UXS1: variants seen among roughly 807,000 people sequenced by gnomAD.
The protein encoded by UXS1 is UDP-glucuronic acid decarboxylase 1.
In UXS1, 33 loss-of-function variants were observed where a neutral mutation model predicts 62.6. The ratio of observed to expected loss-of-function variants is 0.53; its 90% CI spans 0.40 to 0.70. UXS1 has a LOEUF of 0.70. UXS1 is among the 30% of genes least tolerant of loss of function. The pLI is 0.00. For missense variants in UXS1, 434 were observed against 556.3 expected (o/e 0.78, Z 2.21); for synonymous variants, 213 against 206.8 (o/e 1.03, Z -0.26).
In UXS1 at chr2:106,163,682, C is replaced by A; in HGVS notation, c.215G>T (p.Arg72Ile). Reference protein sequence around the residue: ...EMVEPLREKIRDLEKSFTQKY... With the variant: ...EMVEPLREKIIDLEKSFTQKY... ...GTACACATACCTTTTTTCTAAATCT[C>A]TGATTTTCTCTCTTAGTGGTTCAAC... The change falls in exon 4 of 15, where the codon AGA becomes ATA. Residue 72 changes from arginine to isoleucine, a missense_variant. Arg to Ile is a moderately conservative substitution (Grantham distance 97). Around this residue, in one of 3 missense-constraint regions of UXS1, gnomAD observed 134 missense variants for 251.9 expected, o/e 0.53. Transcript: ENST00000283148. 6.8e-7 allele frequency: 1 copy of A among 1,469,992 alleles called. No individual in the cohort carries two copies. The highest frequency in any genetic ancestry group is 9.0e-7 in the Non-Finnish European group (1 of 1,108,680). The allele number at this position is 1,469,992 out of a possible 1,614,324, so 91.1% of individuals were successfully genotyped here.
intron 6 of UXS1, among the ~76,000 whole-genome samples, chr2:106,139,108 C>G (rs11687791): frequency 0.052 from 7,893 of 152,154 alleles, 283 homozygotes; most frequent in South Asian, 0.082. Flanking sequence ...CTGCACAGTT[C>G]AGAGTACACC....
chr2:106,112,864 G>A lies in UXS1; in HGVS notation c.760-99C>T, dbSNP rs140057490. On this transcript the variant is annotated intron_variant, in intron 9 of 14. Transcript: ENST00000283148. ...CCTGCATGCAATGCAGAATGGAAAC[G>A]TTCTGCTTTCCATTCCAAAATGGAA... 7.0e-5 allele frequency: 103 copies of A among 1,467,596 alleles called. 1 individual carries two copies. In the East Asian group the frequency reaches 2.1e-3, roughly 30 times the overall value. 90.9% of individuals were successfully genotyped at this position (1,467,596 alleles called of 1,614,324 possible).
chr2:106,100,392 C>T (rs552229422), intron 12 of UXS1, among the ~76,000 whole-genome samples: 16 of 152,324 alleles, frequency 1.1e-4, no homozygotes, highest in Non-Finnish European at 1.9e-4. Flanking sequence ...GTAGAGGCAT[C>T]ACACTAGCCA....
intron 4 of UXS1, among the ~76,000 whole-genome samples, chr2:106,161,133 TG>T (rs11331257): frequency 0.58 from 88,650 of 151,706 alleles, 26,100 homozygotes; most frequent in Admixed American, 0.63. Context: ...GCCAGCTGCC[TG>T]GGTGCTCCCA....
chr2:106,128,215 C>G (rs754073402), intron 7 of UXS1, among the ~76,000 whole-genome samples: 1 of 152,124 alleles, frequency 6.6e-6, no homozygotes, highest in Non-Finnish European at 1.5e-5. Context: ...AAGAGGGCAT[C>G]ACGCACACCT....
chr2:106,099,634 A>C (rs1470508441), intron 12 of UXS1, among the ~76,000 whole-genome samples: 1 of 152,164 alleles, frequency 6.6e-6, no homozygotes, highest in African/African-American at 2.4e-5. Flanking sequence ...GGCCCTCCCC[A>C]AAGAGGGAAG....
chr2:106,128,277 G>A (rs149703712), intron 7 of UXS1, among the ~76,000 whole-genome samples: 1,953 of 152,154 alleles, frequency 0.013, 27 homozygotes, highest in Non-Finnish European at 0.018. Context: ...AGCAGGAGAC[G>A]GTAACAAAGA....
At chr2:106,124,243 T>C (rs758039159) in intron 8 of UXS1, among the ~76,000 whole-genome samples, 10 of 152,176 alleles carry the variant, frequency 6.6e-5, no homozygotes, top group African/African-American at 9.7e-5. Flanking sequence ...CTGGGCAAGC[T>C]ACCCTCCAAA....
intron 9 of UXS1, among the ~76,000 whole-genome samples, chr2:106,113,525 G>A (rs1678799676): frequency 6.6e-6 from 1 of 152,144 alleles, no homozygotes; most frequent in East Asian, 1.9e-4. Context: ...TTTCAAATAT[G>A]CAATCATGGA....
Position 106,145,252 on chromosome 2 carries a change from C to T in UXS1, c.410G>A (p.Trp137Ter). Reference sequence around the variant, plus strand: ...CAACTCGAAGTTCTCATGTCCGATCCAGTGCTCCACGTTTCTCTTCCTGCC... The same window carrying T: ...CAACTCGAAGTTCTCATGTCCGATCTAGTGCTCCACGTTTCTCTTCCTGCC... ...FTGRKRNVEH[W>*]IGHENFELIN... The change falls in exon 6 of 15, where the codon TGG (tryptophan) becomes TAG (stop). Residue 137 changes from tryptophan (W) to a stop codon, truncating the protein, a stop_gained. Coordinates refer to ENST00000283148, the MANE Select transcript of UXS1 (RefSeq NM_001253875.2). LOFTEE classifies it high-confidence loss of function. 1 of 1,614,008 alleles carries T rather than the reference C, an allele frequency of 6.2e-7. No homozygotes were observed. The highest frequency in any genetic ancestry group is 8.5e-7 in the Non-Finnish European group (1 of 1,179,900).
At chr2:106,145,759 T>A (rs1213431648) in intron 5 of UXS1, among the ~76,000 whole-genome samples, 1 of 152,080 alleles carries the variant, frequency 6.6e-6, no homozygotes, top group East Asian at 1.9e-4. Context: ...AAAATTACTT[T>A]ATAGAAAAAA....
chr2:106,178,034 A>G (rs960603652), intron 1 of UXS1, among the ~76,000 whole-genome samples: 2 of 152,228 alleles, frequency 1.3e-5, no homozygotes, highest in African/African-American at 4.8e-5. Context: ...ACTCCTCTGT[A>G]CAAACCTCTT....
At chr2:106,112,411 G>A (rs1398063846) in intron 10 of UXS1, among the ~76,000 whole-genome samples, 1 of 152,240 alleles carries the variant, frequency 6.6e-6, no homozygotes, top group African/African-American at 2.4e-5. Flanking sequence ...CAGACCTGGA[G>A]GCATGGGCAG....
chr2:106,141,263 G>A (rs1681072642), intron 6 of UXS1, among the ~76,000 whole-genome samples: 1 of 152,082 alleles, frequency 6.6e-6, no homozygotes, highest in South Asian at 2.1e-4. Context: ...ACAGTAAGTG[G>A]AAGAAAATAA....
At chr2:106,143,437 A>AAAAAAAAAAAG (rs1558719544) in intron 6 of UXS1, among the ~76,000 whole-genome samples, 16 of 122,748 alleles carry the variant, frequency 1.3e-4, no homozygotes, top group Admixed American at 2.5e-4. Flanking sequence ...AAAAAAAAAA[A>AAAAAAAAAAAG]AGGTATAATT....
At chr2:106,186,735 C>G (rs1379422240) in intron 1 of UXS1, among the ~76,000 whole-genome samples, 2 of 152,054 alleles carry the variant, frequency 1.3e-5, no homozygotes, top group African/African-American at 4.8e-5. Context: ...GGAGGATCAC[C>G]TGAGTCCAGG....
In UXS1 at chr2:106,175,156, G is replaced by C. The variant is rs559551666; in HGVS notation, c.95-9073C>G. ...TTCCAACCTTCCAGTGCTCAGAGCA[G>C]GAACACTTTAATTTAGAGAGACATT... On this transcript the variant is annotated intron_variant, in intron 1 of 14. Coordinates refer to ENST00000283148, the MANE Select transcript of UXS1 (RefSeq NM_001253875.2). Among the ~76,000 whole-genome samples the C allele has an allele frequency of 4.6e-5, 7 of 152,304 alleles. No homozygotes were observed. The East Asian group carries it at 1.4e-3, about 29-fold the overall frequency.
intron 5 of UXS1, among the ~76,000 whole-genome samples, chr2:106,148,013 G>C (rs1278805424): frequency 6.6e-6 from 1 of 152,208 alleles, no homozygotes; most frequent in East Asian, 1.9e-4. Context: ...TTTACCAACA[G>C]CACCATTTTC....
intron 12 of UXS1, chr2:106,100,791 C>T: frequency 2.3e-6 from 1 of 438,354 alleles, no homozygotes; most frequent in Non-Finnish European, 4.0e-6. Flanking sequence ...CTACTACCAC[C>T]AAAAGGCTTC....
Sources: allele counts gnomAD v4.1 joint callset (sites outside exome capture counted in the v4.1 genomes callset), GRCh38; gene constraint gnomAD v4.1.1; regional missense constraint gnomAD v4.1.1; transcripts MANE v1.5; gene names NCBI Gene and HGNC (gene_info 2026-07-23, HGNC 2026-07-21).